GALNTL6: variants seen among roughly 807,000 people sequenced by gnomAD.
GALNTL6 encodes the protein polypeptide N-acetylgalactosaminyltransferase like 6.
In GALNTL6, 46 loss-of-function variants were observed where a neutral mutation model predicts 73.7. That is an observed-to-expected ratio of 0.62 (90% CI 0.49 to 0.80). The LOEUF (loss-of-function observed/expected upper bound fraction) is 0.80. Ranked by LOEUF, GALNTL6 falls within the 30% of genes least tolerant of loss-of-function variation. The pLI is 0.00. For missense variants in GALNTL6, 604 were observed against 755.0 expected (o/e 0.80, Z 2.34); for synonymous variants, 259 against 263.7 (o/e 0.98, Z 0.17).
chr4:171,861,876 T>C (rs1338984576), intron 2 of GALNTL6, among the ~76,000 whole-genome samples: 1 of 152,192 alleles, frequency 6.6e-6, no homozygotes, highest in Non-Finnish European at 1.5e-5. Flanking sequence ...TCTGATGCTA[T>C]TACTTAACCA....
rs146013032 is a variant in GALNTL6, at chr4:172,637,980, G to T, written c.554-171381G>T. Among the ~76,000 whole-genome samples, 1,140 of 152,172 alleles carry T rather than the reference G, an allele frequency of 7.5e-3. 8 individuals are homozygous for T. The highest frequency in any genetic ancestry group is 0.023 in the African/African-American group (964 of 41,510). ...TTGTGTCCTTCAGGAACCATCATCA[G>T]AAGAATGCCTTATATCCTAAAATTA... On this transcript the variant is annotated intron_variant, in intron 5 of 12. Coordinates refer to ENST00000506823, the MANE Select transcript of GALNTL6 (RefSeq NM_001034845.3).
At chr4:172,825,065 T>TTTC (rs1742170246) in intron 7 of GALNTL6, among the ~76,000 whole-genome samples, 1 of 149,172 alleles carries the variant, frequency 6.7e-6, no homozygotes, top group East Asian at 2.0e-4. Context: ...TCTTTTTTTT[T>TTTC]TTTTTGGTTA....
chr4:172,585,148 AT>A (rs1737353415), intron 5 of GALNTL6, among the ~76,000 whole-genome samples: 2 of 151,804 alleles, frequency 1.3e-5, no homozygotes, highest in South Asian at 4.1e-4. Context: ...TGGAGAGGGG[AT>A]GTGTTAAATC....
At chr4:172,942,114 G>A (rs924590224) in intron 9 of GALNTL6, among the ~76,000 whole-genome samples, 1 of 152,162 alleles carries the variant, frequency 6.6e-6, no homozygotes, top group Non-Finnish European at 1.5e-5. Flanking sequence ...AAAACAAAAT[G>A]GCAGCTTTGT....
intron 3 of GALNTL6, among the ~76,000 whole-genome samples, chr4:172,248,498 A>G (rs1246766132): frequency 6.6e-6 from 1 of 152,142 alleles, no homozygotes; most frequent in Non-Finnish European, 1.5e-5. Context: ...AGTAGGTTTC[A>G]TTTATCACAG....
At chr4:172,413,223 C>T (rs1050013678) in intron 5 of GALNTL6, among the ~76,000 whole-genome samples, 3 of 152,178 alleles carry the variant, frequency 2.0e-5, no homozygotes, top group African/African-American at 7.2e-5. Flanking sequence ...GTTTCTGTCA[C>T]TCCAAAGAAA....
Position 172,206,814 on chromosome 4 carries a change from G to GTTTTT in GALNTL6, c.139-22839_139-22838insTTTTT, listed in dbSNP as rs796625697. On this transcript the variant is annotated intron_variant, in intron 2 of 12. Transcript: ENST00000506823. Reference sequence around the variant, plus strand: ...TTTGTTTTGTTTTTCTGTTTTTTTTGTTTGTTTTTTTTTTTTTTTTTGAGA... The same window carrying GTTTTT: ...TTTGTTTTGTTTTTCTGTTTTTTTTGTTTTTTTTGTTTTTTTTTTTTTTTTTGAGA... 7.4e-4 allele frequency among the ~76,000 whole-genome samples: 43 copies of GTTTTT among 57,990 alleles called. 1 individual carries two copies. Among genetic ancestry groups the GTTTTT allele is most frequent in the African/African-American group, 2.0e-3 (40 of 20,166 alleles). The allele number at this position is 57,990 out of a possible 152,430, so 38.0% of individuals were successfully genotyped here.
At chr4:172,107,035 G>A (rs55647341) in intron 2 of GALNTL6, among the ~76,000 whole-genome samples, 3,342 of 152,134 alleles carry the variant, frequency 0.022, 40 homozygotes, top group Non-Finnish European at 0.032. Context: ...CACCACGCCC[G>A]GATAATTTTG....
At chr4:171,934,644 G>A (rs757002006) in intron 2 of GALNTL6, among the ~76,000 whole-genome samples, 62 of 152,108 alleles carry the variant, frequency 4.1e-4, no homozygotes, top group Non-Finnish European at 8.4e-4. Context: ...TTGAACTCCT[G>A]GGCTCAAGAA....
intron 2 of GALNTL6, among the ~76,000 whole-genome samples, chr4:171,987,540 C>T (rs1022376348): frequency 9.9e-5 from 15 of 152,138 alleles, no homozygotes; most frequent in African/African-American, 2.4e-4. Flanking sequence ...TGAGTAAAGC[C>T]AATTTGCCAG....
At position 172,439,278 on chromosome 4, in the gene GALNTL6, A is replaced by G. The variant is rs535680589; in HGVS notation, c.553+90589A>G. The stretch of plus-strand genomic sequence containing the variant: ...GCTTTTGCTCCAATATTCCACAAAG[A>G]CTGTTCATGTCAAGATCACCAGTGA... On this transcript the variant is annotated intron_variant, in intron 5 of 12. Transcript: ENST00000506823. Among the ~76,000 whole-genome samples the G allele has an allele frequency of 7.2e-5, 11 of 151,738 alleles. No homozygotes were observed. The Admixed American group carries it at 7.3e-4, about 10-fold the overall frequency.
chr4:172,440,790 TAA>T (rs1286446791), intron 5 of GALNTL6, among the ~76,000 whole-genome samples: 1 of 118,542 alleles, frequency 8.4e-6, no homozygotes, highest in East Asian at 2.4e-4. Context: ...TAAAAATAAA[TAA>T]AGTCTTAAAA....
At position 172,372,203 on chromosome 4, in the gene GALNTL6, T is replaced by G. The variant is rs538971709; in HGVS notation, c.553+23514T>G. On this transcript the variant is annotated intron_variant, in intron 5 of 12. Coordinates refer to ENST00000506823, the MANE Select transcript of GALNTL6 (RefSeq NM_001034845.3). Reference sequence around the variant, plus strand: ...AGGTCAGGATTAGCTAAGGGGACTTTGAAGAGATCATCTCAGGGGGCATAA... The same window carrying G: ...AGGTCAGGATTAGCTAAGGGGACTTGGAAGAGATCATCTCAGGGGGCATAA... Among the ~76,000 whole-genome samples, 4 of 152,298 alleles carry G rather than the reference T, an allele frequency of 2.6e-5. No homozygotes were observed. The South Asian group carries it at 8.3e-4, about 32-fold the overall frequency.
chr4:172,167,716 T>C (rs1002268127), intron 2 of GALNTL6, among the ~76,000 whole-genome samples: 1 of 150,978 alleles, frequency 6.6e-6, no homozygotes, highest in Non-Finnish European at 1.5e-5. Flanking sequence ...CCCAGCACTT[T>C]GGGAGGCCGA....
chr4:173,018,298 C>A (rs1237328385), intron 11 of GALNTL6, among the ~76,000 whole-genome samples: 1 of 152,134 alleles, frequency 6.6e-6, no homozygotes, highest in Non-Finnish European at 1.5e-5. Flanking sequence ...AAAATATAAG[C>A]ATTATCATTT....
In GALNTL6 at chr4:172,252,401, C is replaced by G. The variant is rs894549660; in HGVS notation, c.247+22637C>G. On this transcript the variant is annotated intron_variant, in intron 3 of 12. Transcript: ENST00000506823. ...GTTCAACATATCCAAGGTTGAGAGACAGAATATATTACCCACTTACCTCTT... is the reference window on the plus strand; with the variant it reads ...GTTCAACATATCCAAGGTTGAGAGAGAGAATATATTACCCACTTACCTCTT... Among the ~76,000 whole-genome samples the G allele has an allele frequency of 9.2e-5, 14 of 152,064 alleles. No homozygotes were observed. The South Asian group carries it at 1.2e-3, about 14-fold the overall frequency.
At chr4:171,866,147 A>G (rs936406953) in intron 2 of GALNTL6, among the ~76,000 whole-genome samples, 2 of 152,192 alleles carry the variant, frequency 1.3e-5, no homozygotes, top group Non-Finnish European at 2.9e-5. Context: ...TCCAGCACTG[A>G]GTTAAGAAGA....
At chr4:172,766,573 T>G (rs1290327794) in intron 5 of GALNTL6, among the ~76,000 whole-genome samples, 1 of 152,206 alleles carries the variant, frequency 6.6e-6, no homozygotes, top group African/African-American at 2.4e-5. Flanking sequence ...GATCCAACTT[T>G]AATTAAAAAG....
chr4:172,794,174 A>G (rs569460279), intron 5 of GALNTL6, among the ~76,000 whole-genome samples: 1 of 152,344 alleles, frequency 6.6e-6, no homozygotes, highest in East Asian at 1.9e-4. Context: ...TTTAAAGGCC[A>G]TATTACTTCA....
Sources: allele counts gnomAD v4.1 joint callset (sites outside exome capture counted in the v4.1 genomes callset), GRCh38; gene constraint gnomAD v4.1.1; transcripts MANE v1.5; gene names NCBI Gene and HGNC (gene_info 2026-07-23, HGNC 2026-07-21).